The following FHIT variants were observed in gnomAD, a reference collection of about 807,000 sequenced individuals.
FHIT encodes the protein fragile histidine triad diadenosine triphosphatase.
Under a neutral mutation model 17.9 loss-of-function variants are expected in FHIT, and 19 were observed. That is an observed-to-expected ratio of 1.06 (90% confidence interval 0.74 to 1.56). The LOEUF (loss-of-function observed/expected upper bound fraction) is 1.56, where lower values mean the gene tolerates loss of function less well. Among genes scored for constraint, FHIT ranks in the 40% most tolerant of loss-of-function variants. FHIT has a pLI of 0.00. For missense variants in FHIT, 248 were observed against 189.2 expected (o/e 1.31, Z -1.82); for synonymous variants, 81 against 69.7 (o/e 1.16, Z -0.81).
chr3:59,750,389 A>G (rs1245897738), intron 9 of FHIT: 1 of 224,540 alleles, frequency 4.5e-6, no homozygotes, highest in African/African-American at 2.2e-5. Flanking sequence ...CCCCATTTAA[A>G]TTTGAACAGG....
intron 3 of FHIT, among the ~76,000 whole-genome samples, chr3:60,849,720 T>G (rs115735018): frequency 1.3e-5 from 2 of 151,978 alleles, no homozygotes; most frequent in African/African-American, 4.8e-5. Flanking sequence ...ACCTATGCAC[T>G]TGGAGTCTTC....
At chr3:60,233,215 G>A (rs926198161) in intron 5 of FHIT, among the ~76,000 whole-genome samples, 2 of 152,176 alleles carry the variant, frequency 1.3e-5, no homozygotes, top group East Asian at 3.9e-4. Flanking sequence ...CACTTAGAGA[G>A]TAAAATCTTA....
chr3:60,619,599 G>C (rs113090741), intron 4 of FHIT, among the ~76,000 whole-genome samples: 1,377 of 32,194 alleles, frequency 0.043, 48 homozygotes, highest in African/African-American at 0.19. Context: ...ATACCCACAT[G>C]CAAAAAAAAA....
intron 5 of FHIT, among the ~76,000 whole-genome samples, chr3:60,307,024 G>C (rs1251206275): frequency 6.6e-6 from 1 of 152,040 alleles, no homozygotes; most frequent in Non-Finnish European, 1.5e-5. Flanking sequence ...GTATTCTTTA[G>C]ACTTCCACAT....
At chr3:59,848,446 A>C (rs955913866) in intron 8 of FHIT, among the ~76,000 whole-genome samples, 2 of 152,240 alleles carry the variant, frequency 1.3e-5, no homozygotes, top group African/African-American at 4.8e-5. Flanking sequence ...AGATTTAAAA[A>C]AATCACAGAC....
chr3:60,354,642 A>C (rs1699567125), intron 5 of FHIT, among the ~76,000 whole-genome samples: 1 of 152,112 alleles, frequency 6.6e-6, no homozygotes, highest in African/African-American at 2.4e-5. Context: ...CTGAGAGTGA[A>C]TATAAAAAAC....
At chr3:61,220,074 T>C (rs903002838) in intron 1 of FHIT, among the ~76,000 whole-genome samples, 1 of 152,202 alleles carries the variant, frequency 6.6e-6, no homozygotes, top group Non-Finnish European at 1.5e-5. Context: ...CTTTAACAAT[T>C]ATTTACATAC....
chr3:61,060,056 T>A (rs940724022), intron 2 of FHIT, among the ~76,000 whole-genome samples: 11 of 152,086 alleles, frequency 7.2e-5, no homozygotes, highest in African/African-American at 2.4e-4. Flanking sequence ...CAGGGTGAGT[T>A]CCCACCTTGC....
intron 4 of FHIT, among the ~76,000 whole-genome samples, chr3:60,560,181 T>A (rs1559539962): frequency 6.6e-6 from 1 of 152,148 alleles, no homozygotes; most frequent in East Asian, 1.9e-4. Context: ...TGGCTATCAG[T>A]GATACAATCT....
At chr3:60,280,018 C>T (rs1483649011) in intron 5 of FHIT, among the ~76,000 whole-genome samples, 4 of 129,208 alleles carry the variant, frequency 3.1e-5, no homozygotes, top group African/African-American at 8.7e-5. Flanking sequence ...GGTGACAGAA[C>T]GAGACTCTGT....
At chr3:60,442,840 T>C (rs982282014) in intron 5 of FHIT, among the ~76,000 whole-genome samples, 13 of 152,286 alleles carry the variant, frequency 8.5e-5, no homozygotes, top group Admixed American at 1.3e-4. Context: ...GGGGATGGCA[T>C]TGAATCTGTA....
intron 4 of FHIT, among the ~76,000 whole-genome samples, chr3:60,695,105 T>C (rs2041084951): frequency 6.6e-6 from 1 of 151,914 alleles, no homozygotes; most frequent in South Asian, 2.1e-4. Context: ...TAGAAATATA[T>C]AAAGGTAGGC....
chr3:59,932,633 A>C (rs1328928240), intron 7 of FHIT, among the ~76,000 whole-genome samples: 1 of 152,198 alleles, frequency 6.6e-6, no homozygotes, highest in Non-Finnish European at 1.5e-5. Flanking sequence ...AGTAATCACA[A>C]TCAATTAAGA....
chr3:60,956,446 C>A (rs541344812), intron 3 of FHIT, among the ~76,000 whole-genome samples: 5 of 152,190 alleles, frequency 3.3e-5, no homozygotes, highest in African/African-American at 9.6e-5. Flanking sequence ...TTTCTGGAAC[C>A]TTTACTTTAT....
At chr3:60,753,186 G>T (rs1553717369) in intron 4 of FHIT, among the ~76,000 whole-genome samples, 2 of 152,072 alleles carry the variant, frequency 1.3e-5, no homozygotes, top group Admixed American at 1.3e-4. Context: ...CAGATCCAAA[G>T]GCTGGCAAAC....
intron 5 of FHIT, among the ~76,000 whole-genome samples, chr3:60,346,305 A>G (rs1710775898): frequency 6.6e-6 from 1 of 152,342 alleles, no homozygotes; most frequent in African/African-American, 2.4e-5. Context: ...CATGGTAAGG[A>G]TATCTTTCTG....
intron 5 of FHIT, among the ~76,000 whole-genome samples, chr3:60,105,490 A>C (rs1704369252): frequency 6.6e-6 from 1 of 152,172 alleles, no homozygotes; most frequent in Admixed American, 6.5e-5. Flanking sequence ...TTACATTTAA[A>C]ATGTAAGAGG....
intron 2 of FHIT, among the ~76,000 whole-genome samples, chr3:61,092,299 AC>A (rs1327527550): frequency 2.0e-5 from 3 of 152,144 alleles, no homozygotes; most frequent in Admixed American, 1.3e-4. Context: ...AGGTACATAT[AC>A]CAAGAACTAT....
intron 5 of FHIT, among the ~76,000 whole-genome samples, chr3:60,387,288 G>A (rs1332068645): frequency 6.6e-6 from 1 of 152,016 alleles, no homozygotes; most frequent in Non-Finnish European, 1.5e-5. Context: ...ACCGTGCCCA[G>A]CCAACTTATT....
Sources: allele counts gnomAD v4.1 joint callset (sites outside exome capture counted in the v4.1 genomes callset), GRCh38; gene constraint gnomAD v4.1.1; transcripts MANE v1.5; gene names NCBI Gene and HGNC (gene_info 2026-07-23, HGNC 2026-07-21).